The following ZNF92 variants were observed in gnomAD, a reference collection of about 807,000 sequenced individuals.
The protein encoded by ZNF92 is epididymis luminal protein 203.
A neutral mutation model predicts 12.4 loss-of-function variants in ZNF92; 11 were observed. That is an observed-to-expected ratio of 0.89 (90% CI 0.56 to 1.47). ZNF92 has a LOEUF of 1.47. Ranked by LOEUF, ZNF92 falls within the 40% of genes most tolerant of loss-of-function variation. The pLI is 0.00. For missense variants in ZNF92, 622 were observed against 681.0 expected (o/e 0.91, Z 0.96); for synonymous variants, 206 against 228.6 (o/e 0.90, Z 0.89).
intron 1 of ZNF92, among the ~76,000 whole-genome samples, chr7:65,383,056 G>C (rs2116353882): frequency 6.6e-6 from 1 of 152,176 alleles, no homozygotes; most frequent in South Asian, 2.1e-4. Context: ...AATCAAGGTT[G>C]TTTTTAGTAA....
chr7:65,377,733 AT>A (rs533416785), intron 1 of ZNF92, among the ~76,000 whole-genome samples: 3,200 of 151,834 alleles, frequency 0.021, 58 homozygotes, highest in Admixed American at 0.046. Context: ...CACCCAGCTA[AT>A]TTTTGTATTT....
chr7:65,392,743 T>G (rs1473332743), intron 3 of ZNF92, among the ~76,000 whole-genome samples: 1 of 151,532 alleles, frequency 6.6e-6, no homozygotes, highest in Non-Finnish European at 1.5e-5. Flanking sequence ...TCCATGTTGG[T>G]CAGGCTGTTC....
At chr7:65,389,080 C>T (rs999086536) in intron 3 of ZNF92, among the ~76,000 whole-genome samples, 179 bp downstream of exon 3, 2 of 152,046 alleles carry the variant, frequency 1.3e-5, no homozygotes, top group African/African-American at 4.8e-5. Context: ...CTGCTTCAGC[C>T]TCCCGAGTAG....
Position 65,373,963 on chromosome 7 carries a change from C to G in ZNF92, c.-35C>G, listed in dbSNP as rs1431416167. 1 of 1,613,964 alleles carries G rather than the reference C, an allele frequency of 6.2e-7. No individual in the cohort carries two copies. The highest frequency in any genetic ancestry group is 1.3e-5 in the African/African-American group (1 of 74,920). On this transcript the variant is annotated 5_prime_UTR_variant, in exon 1 of 4. Transcript: ENST00000328747. ...TTACCTGCAAGAACTTGGAGGTTCA[C>G]AGCTAAGACGCCAGGACCCCCTGGA...
At position 65,398,865 on chromosome 7, in the gene ZNF92, C is replaced by G. The variant is rs1320702134; in HGVS notation, c.751C>G (p.His251Asp). ...AAATCTTACTAAACATAAAATAATT[C>G]ATACTGGAGAGAAACCCTACAAATG... ...SSNLTKHKII[H>D]TGEKPYKCEE... Residue 251 changes from histidine (H) to aspartate (D), a missense_variant, in exon 4 of 4, where the codon CAT becomes GAT. Physicochemically the swap from His to Asp is moderately conservative, Grantham distance 81. Transcript: ENST00000328747. The G allele has an allele frequency of 6.2e-7, 1 of 1,612,884 alleles. No homozygotes were observed.
At position 65,399,716 on chromosome 7, in the gene ZNF92, G is replaced by C; in HGVS notation, c.1602G>C (p.Glu534Asp). ...CACGTAAGATAATTTATACTGGAGA[G>C]AAACCCTACAAATATGAAGAATGTG... is the stretch of plus-strand genomic sequence containing the variant. ...LTARKIIYTG[E>D]KPYKYEECDK... Residue 534 changes from glutamate (E) to aspartate (D), a missense_variant, in exon 4 of 4, where the codon GAG (glutamate) becomes GAC (aspartate). Glu to Asp is a conservative substitution (Grantham distance 45). Transcript: ENST00000328747. The C allele has an allele frequency of 1.2e-6, 2 of 1,613,150 alleles. No individual in the cohort carries two copies. Among genetic ancestry groups the C allele is most frequent in the Non-Finnish European group, 8.5e-7 (1 of 1,179,442 alleles).
intron 1 of ZNF92, among the ~76,000 whole-genome samples, chr7:65,383,879 C>T (rs549349713): frequency 6.6e-6 from 1 of 152,086 alleles, no homozygotes. Flanking sequence ...CTCACAATCA[C>T]CTAGGCATCT....
Position 65,399,621 on chromosome 7 carries a change from C to G in ZNF92, c.1507C>G (p.His503Asp), listed in dbSNP as rs1211350740. The change falls in exon 4 of 4, where the codon CAC becomes GAC. Residue 503 changes from histidine to aspartate, a missense_variant. His to Asp is a moderately conservative substitution (Grantham distance 81). Coordinates refer to ENST00000328747, the MANE Select transcript of ZNF92 (RefSeq NM_152626.4). ...AATTTTTACTAAACATAAGATAATT[C>G]ACACTGAAGGGAAATCCTACAAATG... ...SSIFTKHKIIHTEGKSYKCEK... is the reference protein window; with the variant it reads ...SSIFTKHKIIDTEGKSYKCEK... The G allele has an allele frequency of 6.2e-7, 1 of 1,613,670 alleles. No homozygotes were observed. Among genetic ancestry groups the G allele is most frequent in the South Asian group, 1.1e-5 (1 of 91,050 alleles).
chr7:65,383,101 C>T (rs750576307), intron 1 of ZNF92, among the ~76,000 whole-genome samples: 6 of 152,010 alleles, frequency 3.9e-5, no homozygotes, highest in Non-Finnish European at 5.9e-5. Context: ...TGTATCAGCC[C>T]ACTCTCTATC....
chr7:65,374,687 C>T (rs1793191974), intron 1 of ZNF92, among the ~76,000 whole-genome samples: 1 of 151,566 alleles, frequency 6.6e-6, no homozygotes, highest in African/African-American at 2.4e-5. Flanking sequence ...GTGTTATTTA[C>T]CCTCCCCTCC....
intron 3 of ZNF92, among the ~76,000 whole-genome samples, chr7:65,394,031 C>T (rs1793789246): frequency 6.6e-6 from 1 of 151,978 alleles, no homozygotes; most frequent in East Asian, 1.9e-4. Flanking sequence ...TCCTAGGGGA[C>T]GTTGTCACTC....
chr7:65,376,335 C>G (rs542696942), intron 1 of ZNF92, among the ~76,000 whole-genome samples: 1 of 152,098 alleles, frequency 6.6e-6, no homozygotes, highest in Non-Finnish European at 1.5e-5. Flanking sequence ...TTACAAAGGG[C>G]ATAAAAGAGG....
intron 1 of ZNF92, among the ~76,000 whole-genome samples, chr7:65,382,070 T>C (rs9969274): frequency 1.3e-5 from 2 of 151,952 alleles, no homozygotes; most frequent in Non-Finnish European, 2.9e-5. Flanking sequence ...GTCACGAAGA[T>C]GTGAAAAGTT....
At chr7:65,379,461 T>C (rs1240698766) in intron 1 of ZNF92, among the ~76,000 whole-genome samples, 2 of 152,054 alleles carry the variant, frequency 1.3e-5, no homozygotes, top group Non-Finnish European at 2.9e-5. Context: ...TCTCCTGCCA[T>C]GGTGAGAGAG....
Position 65,400,353 on chromosome 7 carries a change from A to G in ZNF92, c.*478A>G, listed in dbSNP as rs1290148887. Reference sequence around the variant, plus strand: ...GCATTAGTTGCTCAAACTTTGTTCGACATCAGGGAATTTGTATTGGAGAAA... The same window carrying G: ...GCATTAGTTGCTCAAACTTTGTTCGGCATCAGGGAATTTGTATTGGAGAAA... On this transcript the variant is annotated 3_prime_UTR_variant, in exon 4 of 4. Coordinates refer to ENST00000328747, the MANE Select transcript of ZNF92 (RefSeq NM_152626.4). 3.3e-5 allele frequency: 5 copies of G among 152,220 alleles called. No individual in the cohort carries two copies. Among genetic ancestry groups the G allele is most frequent in the African/African-American group, 1.2e-4 (5 of 41,424 alleles). 9.4% of individuals were successfully genotyped at this position (152,220 alleles called of 1,614,324 possible).
intron 2 of ZNF92, 25 bp downstream of exon 2, chr7:65,388,053 A>G (rs1294946939): frequency 3.8e-6 from 6 of 1,571,286 alleles, no homozygotes; most frequent in African/African-American, 1.4e-5. Flanking sequence ...AATACACAAT[A>G]CACAATGCTC....
rs1215744405 is a variant in ZNF92, at chr7:65,398,441, G to C, written c.327G>C (p.Glu109Asp). The C allele has an allele frequency of 6.2e-7, 1 of 1,613,016 alleles. No homozygotes were observed. Among genetic ancestry groups the C allele is most frequent in the East Asian group, 2.2e-5 (1 of 44,808 alleles). The change falls in exon 4 of 4, where the codon GAG becomes GAC. Residue 109 changes from glutamate (E) to aspartate (D), a missense_variant. By Grantham distance (45) the Glu-to-Asp change is conservative. Coordinates refer to ENST00000328747, the MANE Select transcript of ZNF92 (RefSeq NM_152626.4). ...ILRTYGKYGHENLQLRKDHKS... is the reference protein window; with the variant it reads ...ILRTYGKYGHDNLQLRKDHKS... ...GAACATATGGAAAATATGGACATGAGAATTTACAGCTAAGAAAAGACCATA... is the reference window on the plus strand; with the variant it reads ...GAACATATGGAAAATATGGACATGACAATTTACAGCTAAGAAAAGACCATA...
intron 1 of ZNF92, among the ~76,000 whole-genome samples, chr7:65,379,378 G>C (rs118064891): frequency 6.6e-6 from 1 of 152,008 alleles, no homozygotes; most frequent in Admixed American, 6.6e-5. Context: ...TGGAACTCTG[G>C]GTGTCTGGGA....
At chr7:65,391,707 G>GT (rs1793719145) in intron 3 of ZNF92, among the ~76,000 whole-genome samples, 1 of 151,968 alleles carries the variant, frequency 6.6e-6, no homozygotes, top group East Asian at 1.9e-4. Flanking sequence ...TTCATCTAGT[G>GT]TAAGAATAGC....
Sources: gnomAD v4.1 joint callset for allele counts (sites outside exome capture counted in the v4.1 genomes callset) on GRCh38, gnomAD v4.1.1 for gene constraint, MANE v1.5 for transcripts, NCBI Gene and HGNC (gene_info 2026-07-23, HGNC 2026-07-21) for gene names.